Variants in SYCP2L observed in about 807,000 individuals in gnomAD.
SYCP2L encodes synaptonemal complex protein 2-like.
SYCP2L carries 98 observed loss-of-function variants against 125.8 expected under a neutral mutation model. That is an observed-to-expected ratio of 0.78 (90% confidence interval 0.66 to 0.92). SYCP2L has a LOEUF of 0.92. SYCP2L is among the 40% of genes least tolerant of loss of function. The probability of loss-of-function intolerance (pLI) is 0.00; values close to 1 mark genes in which losing one functional copy is unlikely to be tolerated. For synonymous variants in SYCP2L, 317 were observed against 325.4 expected (o/e 0.97, Z 0.28); for missense variants, 842 against 936.4 (o/e 0.90, Z 1.32).
At chr6:10,966,657 GAA>G (rs1199646458) in intron 29 of SYCP2L, among the ~76,000 whole-genome samples, 2 of 152,030 alleles carry the variant, frequency 1.3e-5, no homozygotes, top group Admixed American at 6.6e-5. Flanking sequence ...AAACAAATTA[GAA>G]AAAAGAGTAC....
chr6:10,936,342 C>T (rs1781094762), intron 21 of SYCP2L, among the ~76,000 whole-genome samples: 1 of 151,952 alleles, frequency 6.6e-6, no homozygotes, highest in Non-Finnish European at 1.5e-5. Context: ...ACTAAAAATA[C>T]AAAAACTAGC....
chr6:10,925,336 C>T (rs1444682442), intron 15 of SYCP2L, among the ~76,000 whole-genome samples: 21 of 152,162 alleles, frequency 1.4e-4, no homozygotes, highest in Admixed American at 1.2e-3. Flanking sequence ...GGGGACACAG[C>T]CAGACTGTAT....
At chr6:10,897,022 T>C (rs933237558) in intron 4 of SYCP2L, among the ~76,000 whole-genome samples, 1 of 149,586 alleles carries the variant, frequency 6.7e-6, no homozygotes, top group African/African-American at 2.5e-5. Flanking sequence ...TTTCTAACTA[T>C]GCATGCGGAG....
intron 23 of SYCP2L, among the ~76,000 whole-genome samples, chr6:10,951,760 C>T (rs1233813194): frequency 1.3e-5 from 2 of 152,198 alleles, no homozygotes; most frequent in African/African-American, 4.8e-5. Flanking sequence ...TTGTTTACCA[C>T]AGGGTGTCAC....
intron 24 of SYCP2L, among the ~76,000 whole-genome samples, chr6:10,955,686 G>C (rs1429972394): frequency 6.6e-6 from 1 of 152,182 alleles, no homozygotes; most frequent in Non-Finnish European, 1.5e-5. Context: ...TTGAATCCAG[G>C]AGCTGCTGGT....
intron 21 of SYCP2L, among the ~76,000 whole-genome samples, chr6:10,941,176 T>G (rs1014609640): frequency 6.6e-6 from 1 of 152,158 alleles, no homozygotes. Context: ...GACTTAAATG[T>G]TAGACTTAAA....
At chr6:10,958,315 T>C (rs1357569357) in intron 25 of SYCP2L, among the ~76,000 whole-genome samples, 3 of 152,098 alleles carry the variant, frequency 2.0e-5, no homozygotes, top group Non-Finnish European at 4.4e-5. Flanking sequence ...CAGGGAGTTT[T>C]ACTCATGGTG....
intron 29 of SYCP2L, 63 bp downstream of exon 29, chr6:10,963,906 C>G (rs1340795525): frequency 2.5e-6 from 3 of 1,199,902 alleles, no homozygotes; most frequent in Admixed American, 3.8e-5. Flanking sequence ...GGAGCAAGCT[C>G]TAAAAGATAC....
At chr6:10,894,413 G>A (rs544069648) in intron 4 of SYCP2L, among the ~76,000 whole-genome samples, 1 of 152,346 alleles carries the variant, frequency 6.6e-6, no homozygotes, top group African/African-American at 2.4e-5. Context: ...CTTTGGGAGT[G>A]CACAGGATCG....
chr6:10,902,840 T>C (rs999162607), intron 7 of SYCP2L, 35 bp from the exon 8 acceptor site: 1 of 1,612,520 alleles, frequency 6.2e-7, no homozygotes, highest in Admixed American at 1.7e-5. Flanking sequence ...TCTGTTTTCT[T>C]TCTTCTCCAT....
intron 1 of SYCP2L, 102 bp downstream of exon 1, chr6:10,887,237 C>T: frequency 1.3e-6 from 2 of 1,508,100 alleles, no homozygotes; most frequent in African/African-American, 1.4e-5. Flanking sequence ...GAGGTGTTCG[C>T]TCAGAGACCG....
rs1168518559 is a variant in SYCP2L, at chr6:10,893,905, A to T, written c.117A>T (p.Gly39=). 6.2e-7 allele frequency: 1 copy of T among 1,610,820 alleles called. No homozygotes were observed. The highest frequency in any genetic ancestry group is 8.5e-7 in the Non-Finnish European group (1 of 1,179,290). ...TTACGGATGCATTCCATGATAAAGG[A>T]TTTCAGAAAATAAAAGAATACTTTC... ...SLITDAFHDK[G]FQKIKEYFQQ... The change falls in exon 3 of 30, where the codon GGA becomes GGT. Residue 39 remains glycine, a synonymous_variant. Coordinates refer to ENST00000283141, the MANE Select transcript of SYCP2L (RefSeq NM_001040274.3).
intron 1 of SYCP2L, among the ~76,000 whole-genome samples, chr6:10,889,454 A>G (rs551703002): frequency 3.3e-5 from 5 of 152,292 alleles, no homozygotes; most frequent in African/African-American, 1.2e-4. Flanking sequence ...GCTATTTGAA[A>G]ATATACAATA....
chr6:10,957,908 G>A (rs886874483), intron 25 of SYCP2L, among the ~76,000 whole-genome samples: 15 of 152,182 alleles, frequency 9.9e-5, no homozygotes, highest in African/African-American at 1.4e-4. Flanking sequence ...TTGAGACACT[G>A]TGCATACAGC....
chr6:10,924,446 A>G, intron 14 of SYCP2L, 50 bp from the exon 15 acceptor site: 2 of 1,401,404 alleles, frequency 1.4e-6, no homozygotes, highest in Non-Finnish European at 1.9e-6. Flanking sequence ...ATTTTAAAAT[A>G]AAACATTGAA....
At chr6:10,939,892 A>G (rs1266075854) in intron 21 of SYCP2L, among the ~76,000 whole-genome samples, 3 of 152,240 alleles carry the variant, frequency 2.0e-5, no homozygotes, top group East Asian at 1.9e-4. Context: ...AAAGCAATCA[A>G]TCAAATGGAA....
intron 29 of SYCP2L, among the ~76,000 whole-genome samples, chr6:10,965,612 AGAAGTACCCTACAAATATGTGTAT>A (rs1296629551): frequency 6.6e-6 from 1 of 152,256 alleles, no homozygotes; most frequent in Non-Finnish European, 1.5e-5. Flanking sequence ...AAGTTGTCAG[AGAAGTACCCTACAAATATGTGTAT>A]GATCCAGATT....
chr6:10,896,290 A>T (rs1177371049), intron 4 of SYCP2L, among the ~76,000 whole-genome samples: 1 of 152,016 alleles, frequency 6.6e-6, no homozygotes, highest in Non-Finnish European at 1.5e-5. Flanking sequence ...CTGTGGGGAG[A>T]GCTGGGATGT....
intron 10 of SYCP2L, among the ~76,000 whole-genome samples, chr6:10,907,889 T>C (rs1214404874): frequency 9.4e-6 from 1 of 106,820 alleles, no homozygotes. Context: ...GGGATACAGA[T>C]AGGTTTTTTT....
Sources: allele counts gnomAD v4.1 joint callset (sites outside exome capture counted in the v4.1 genomes callset), GRCh38; gene constraint gnomAD v4.1.1; transcripts MANE v1.5; gene names NCBI Gene and HGNC (gene_info 2026-07-23, HGNC 2026-07-21).